The following EMC1 variants were observed in gnomAD, a reference collection of about 807,000 sequenced individuals.
EMC1 encodes the protein ER membrane protein complex subunit 1.
In EMC1, 103 loss-of-function variants were observed where a neutral mutation model predicts 128.8. That is an observed-to-expected ratio of 0.80 (90% CI 0.68 to 0.94). The LOEUF (loss-of-function observed/expected upper bound fraction) is 0.94. Among genes scored for constraint, EMC1 ranks in the 40% least tolerant of loss-of-function variants. EMC1 has a pLI of 0.00. For synonymous variants in EMC1, 442 were observed against 490.4 expected (o/e 0.90, Z 1.30); for missense variants, 1,083 against 1,250.6 (o/e 0.87, Z 2.02).
In EMC1 at chr1:19,243,961, A is replaced by T. The variant is rs759012766; in HGVS notation, c.275T>A (p.Leu92Gln). ...TAEGAVDAML[L>Q]HGQDVITVSN... ...AGGACTCTGCTTACCCTGTCCGTGC[A>T]GCAGCATGGCATCCACAGCCCCTTC... Residue 92 changes from leucine to glutamine, a missense_variant, in exon 3 of 23, where the codon CTG (leucine) becomes CAG (glutamine). Around this residue, in one of 3 missense-constraint regions of EMC1, gnomAD observed 544 missense variants for 572.4 expected, o/e 0.95. Coordinates refer to ENST00000477853, the MANE Select transcript of EMC1 (RefSeq NM_015047.3). 3.1e-6 allele frequency: 5 copies of T among 1,614,138 alleles called. No individual in the cohort carries two copies. The East Asian group carries it at 1.1e-4, about 36-fold the overall frequency.
intron 2 of EMC1, 49 bp downstream of exon 2, chr1:19,244,857 G>A (rs369769567): frequency 6.2e-7 from 1 of 1,607,402 alleles, no homozygotes; most frequent in Non-Finnish European, 8.5e-7. Flanking sequence ...GCAATGGTAA[G>A]TCTTTCATCC....
At position 19,235,002 on chromosome 1, in the gene EMC1, C is replaced by T. The variant is rs2093552406; in HGVS notation, c.1432+128G>A. 3 of 1,041,268 alleles carry T rather than the reference C, an allele frequency of 2.9e-6. No homozygotes were observed. The Admixed American group carries it at 7.6e-5, about 26-fold the overall frequency. The allele number at this position is 1,041,268 out of a possible 1,614,324, so 64.5% of individuals were successfully genotyped here. A position where few individuals can be genotyped will look rare whatever the true frequency, so the allele number is the denominator to read the frequency against. On this transcript the variant is annotated intron_variant, in intron 13 of 22. Coordinates refer to ENST00000477853, the MANE Select transcript of EMC1 (RefSeq NM_015047.3). ...AATGCACCGGAACCTCATCACAGAG[C>T]TCATTCAGAAAAGACTAGCAATCTG...
intron 2 of EMC1, 59 bp downstream of exon 2, chr1:19,244,847 G>C: frequency 6.3e-7 from 1 of 1,596,128 alleles, no homozygotes. Flanking sequence ...GGCAGAGTTG[G>C]CAATGGTAAG....
chr1:19,240,060 G>C, intron 7 of EMC1, 75 bp from the exon 8 acceptor site: 1 of 1,442,810 alleles, frequency 6.9e-7, no homozygotes, highest in Non-Finnish European at 9.4e-7. Context: ...CACAACCTCT[G>C]CCCTACTTTG....
intron 1 of EMC1, among the ~76,000 whole-genome samples, chr1:19,249,226 T>C (rs1258234340): frequency 1.3e-5 from 2 of 152,190 alleles, no homozygotes; most frequent in Non-Finnish European, 2.9e-5. Flanking sequence ...AAGTCCACAG[T>C]AGTGTACAGT....
intron 5 of EMC1, 30 bp downstream of exon 5, chr1:19,242,315 C>A: frequency 6.2e-7 from 1 of 1,613,620 alleles, no homozygotes; most frequent in Non-Finnish European, 8.5e-7. Context: ...TAGAACGAGG[C>A]AGCTATTGCC....
chr1:19,246,491 T>A (rs1373733056), intron 1 of EMC1, among the ~76,000 whole-genome samples: 3 of 151,848 alleles, frequency 2.0e-5, no homozygotes, highest in African/African-American at 7.3e-5. Flanking sequence ...TATAACAATT[T>A]AAAAATCTCC....
At position 19,239,823 on chromosome 1, in the gene EMC1, G is replaced by A. The variant is rs758203116; in HGVS notation, c.949C>T (p.Pro317Ser). Reference sequence around the variant, plus strand: ...ACCATGTTGCCTGCAGTTACCTGTGGGAAGTTTTTAAGCAAACTCAGCGTT... The same window carrying A: ...ACCATGTTGCCTGCAGTTACCTGTGAGAAGTTTTTAAGCAAACTCAGCGTT... ...YGTLSLLKNF[P>S]QTALVSFATT... Residue 317 changes from proline to serine, a missense_variant, in exon 8 of 23, where the codon CCA becomes TCA. Physicochemically the swap from Pro to Ser is moderately conservative, Grantham distance 74. This residue lies in a region of EMC1 where 544 missense variants were observed against 572.4 expected (regional missense o/e 0.95). Coordinates refer to ENST00000477853, the MANE Select transcript of EMC1 (RefSeq NM_015047.3). 6.2e-7 allele frequency: 1 copy of A among 1,613,844 alleles called. No individual in the cohort carries two copies. Among genetic ancestry groups the A allele is most frequent in the East Asian group, 2.2e-5 (1 of 44,858 alleles).
At chr1:19,229,179 C>T (rs534783344) in intron 17 of EMC1, among the ~76,000 whole-genome samples, 14 of 152,254 alleles carry the variant, frequency 9.2e-5, no homozygotes, top group Middle Eastern at 3.4e-3. Flanking sequence ...AGGGGAAGAC[C>T]GCTGGGAATG....
At chr1:19,234,091 T>C (rs369203669) in intron 13 of EMC1, 66 of 674,938 alleles carry the variant, frequency 9.8e-5, no homozygotes, top group East Asian at 8.1e-4. Context: ...ATGTACCTCA[T>C]TGGTCCAAGT....
chr1:19,219,689 G>A lies in EMC1; in HGVS notation c.2682C>T (p.Asn894=), dbSNP rs1312941093. 6.2e-7 allele frequency: 1 copy of A among 1,613,958 alleles called. No homozygotes were observed. Among genetic ancestry groups the A allele is most frequent in the Non-Finnish European group, 8.5e-7 (1 of 1,180,010 alleles). Residue 894 remains asparagine (N), a synonymous_variant, in exon 22 of 23, where the codon AAC becomes AAT. Transcript: ENST00000477853. The stretch of plus-strand genomic sequence containing the variant: ...GTACATCTGGAGAATACGGGATTAA[G>A]TTCTCCTCTCTGCAAAACACCAGCC... The part of the protein sequence containing the change: ...EIPTEQSREE[N]LIPYSPDVQI...
chr1:19,232,388 A>G (rs775132994), intron 15 of EMC1, among the ~76,000 whole-genome samples: 1 of 152,246 alleles, frequency 6.6e-6, no homozygotes, highest in Non-Finnish European at 1.5e-5. Context: ...CAATGTTTAG[A>G]AAAGAGGAGA....
At position 19,216,316 on chromosome 1, in the gene EMC1, T is replaced by C. The variant is rs1046520485; in HGVS notation, c.*2987A>G. On this transcript the variant is annotated 3_prime_UTR_variant, in exon 23 of 23. Transcript: ENST00000477853. ...AAGATGCCTTACGGAGCACATAACA[T>C]GTACCCACACACAAATAATGAAACT... 6.6e-6 allele frequency: 1 copy of C among 151,960 alleles called. No homozygotes were observed. Among genetic ancestry groups the C allele is most frequent in the Non-Finnish European group, 1.5e-5 (1 of 68,020 alleles). 9.4% of individuals were successfully genotyped at this position (151,960 alleles called of 1,614,324 possible).
At chr1:19,237,108 A>C in intron 12 of EMC1, 34 bp downstream of exon 12, 1 of 1,481,526 alleles carries the variant, frequency 6.7e-7, no homozygotes, top group Middle Eastern at 1.7e-4. Context: ...AGGCCTGGGG[A>C]AATAAAAAAA....
At chr1:19,231,467 C>A (rs764438923) in intron 15 of EMC1, 45 bp from the exon 16 acceptor site, 11 of 1,584,732 alleles carry the variant, frequency 6.9e-6, no homozygotes, top group South Asian at 1.1e-5. Context: ...GAAAAGACTG[C>A]AAATCCTAGG....
chr1:19,238,331 T>A (rs2093581561), intron 10 of EMC1, among the ~76,000 whole-genome samples, 192 bp from the exon 11 acceptor site: 1 of 152,014 alleles, frequency 6.6e-6, no homozygotes. Flanking sequence ...AGTAAATAAA[T>A]GAAATTACAA....
rs2093413622 is a variant in EMC1, at chr1:19,219,355, A to G, written c.2930T>C (p.Met977Thr). 3 of 1,614,120 alleles carry G rather than the reference A, an allele frequency of 1.9e-6. No individual in the cohort carries two copies. The highest frequency in any genetic ancestry group is 1.7e-6 in the Non-Finnish European group (2 of 1,180,028). Residue 977 changes from methionine to threonine, a missense_variant, in exon 23 of 23, where the codon ATG (methionine) becomes ACG (threonine). Met to Thr is a moderately conservative substitution (Grantham distance 81, BLOSUM62 -1). Around this residue, in one of 3 missense-constraint regions of EMC1, gnomAD observed 527 missense variants for 644.1 expected, o/e 0.82. Coordinates refer to ENST00000477853, the MANE Select transcript of EMC1 (RefSeq NM_015047.3). ...SVLFGLVFAT[M>T]ITKRLAQVKL... ...CACCTGTGCCAGTCTCTTAGTGATC[A>G]TGGTGGCAAAAACCAGGCCAAAGAG...
At chr1:19,232,475 C>T (rs1185315576) in intron 15 of EMC1, 149 bp downstream of exon 15, 2 of 894,114 alleles carry the variant, frequency 2.2e-6, no homozygotes, top group African/African-American at 1.7e-5. Context: ...GGTTCCTCCA[C>T]CCATGCATGA....
chr1:19,248,268 G>A (rs921344828), intron 1 of EMC1, among the ~76,000 whole-genome samples: 1 of 152,142 alleles, frequency 6.6e-6, no homozygotes, highest in Non-Finnish European at 1.5e-5. Flanking sequence ...CACCATCACA[G>A]CTCACTACAG....
Sources: allele counts gnomAD v4.1 joint callset (sites outside exome capture counted in the v4.1 genomes callset), GRCh38; gene constraint gnomAD v4.1.1; regional missense constraint gnomAD v4.1.1; transcripts MANE v1.5; gene names NCBI Gene and HGNC (gene_info 2026-07-23, HGNC 2026-07-21).